The following GALC variants were observed in gnomAD, a reference collection of about 807,000 sequenced individuals.
GALC encodes the protein galactosylceramidase, also known as galactocerebrosidase.
A neutral mutation model predicts 91.8 loss-of-function variants in GALC; 77 were observed. That is an observed-to-expected ratio of 0.84 (90% confidence interval 0.70 to 1.01). GALC has a LOEUF of 1.01. Among genes scored for constraint, GALC ranks in the 50% least tolerant of loss-of-function variants. GALC has a pLI of 0.00. For synonymous variants in GALC, 357 were observed against 306.7 expected (o/e 1.16, Z -1.71); for missense variants, 882 against 855.9 (o/e 1.03, Z -0.38).
At chr14:87,970,042 A>G (rs1292330285) in intron 7 of GALC, among the ~76,000 whole-genome samples, 5 of 152,204 alleles carry the variant, frequency 3.3e-5, no homozygotes, top group Admixed American at 6.5e-5. Context: ...TTCTGGAACT[A>G]TAACGCCCAA....
chr14:87,965,480 A>G, intron 9 of GALC, 25 bp downstream of exon 9: 1 of 1,611,784 alleles, frequency 6.2e-7, no homozygotes, highest in Non-Finnish European at 8.5e-7. Context: ...GAATTTAGGG[A>G]GTGAGAGATG....
chr14:87,990,784 G>A (rs900943326), intron 1 of GALC, among the ~76,000 whole-genome samples: 2 of 152,084 alleles, frequency 1.3e-5, no homozygotes, highest in Non-Finnish European at 2.9e-5. Context: ...TAAGTCAAAG[G>A]CAATATAACC....
intron 10 of GALC, chr14:87,953,017 T>G (rs756230039): frequency 1.0e-5 from 12 of 1,156,020 alleles, no homozygotes; most frequent in Non-Finnish European, 1.6e-5. Context: ...GCAGCTATGT[T>G]GGATTTGGTT....
At chr14:87,955,737 A>G (rs1885507805) in intron 10 of GALC, among the ~76,000 whole-genome samples, 1 of 152,114 alleles carries the variant, frequency 6.6e-6, no homozygotes, top group Non-Finnish European at 1.5e-5. Context: ...TCAATTTATT[A>G]AAGCGGGGAA....
Position 87,934,009 on chromosome 14 carries a change from C to T in GALC, c.*723G>A, listed in dbSNP as rs412915. 0.47 allele frequency: 716,382 copies of T among 1,532,502 alleles called. 171,297 individuals are homozygous for T. Among genetic ancestry groups the T allele is most frequent in the African/African-American group, 0.61 (44,267 of 72,934 alleles). 94.9% of individuals were successfully genotyped at this position (1,532,502 alleles called of 1,614,324 possible). On this transcript the variant is annotated 3_prime_UTR_variant, in exon 17 of 17. Coordinates refer to ENST00000261304, the MANE Select transcript of GALC (RefSeq NM_000153.4). ...TCCTTCTTCCAGCCACCTGGAAAAA[C>T]GTTCACAGAGAGTTATAGTGGTTAC... is the stretch of plus-strand genomic sequence containing the variant.
intron 16 of GALC, among the ~76,000 whole-genome samples, chr14:87,935,914 A>G (rs895103209): frequency 1.3e-5 from 2 of 152,076 alleles, no homozygotes; most frequent in African/African-American, 2.4e-5. Context: ...CCACATTCCT[A>G]TTACTACAGA....
chr14:87,954,132 G>A, intron 10 of GALC: 1 of 1,608,248 alleles, frequency 6.2e-7, no homozygotes, highest in Non-Finnish European at 8.5e-7. Flanking sequence ...TTCCAGTGTA[G>A]TTAGTGATGT....
chr14:87,993,254 G>A, upstream of GALC: 1 of 1,540,780 alleles, frequency 6.5e-7, no homozygotes, highest in Non-Finnish European at 8.7e-7. Flanking sequence ...TGCTGACGCC[G>A]CCGCCGCCAT....
In GALC at chr14:87,950,509, G is replaced by A. The variant is rs417521; in HGVS notation, c.1251+150C>T. The A allele has an allele frequency of 0.99, 569,978 of 578,386 alleles. 281,329 individuals are homozygous for A. The highest frequency in any genetic ancestry group is 1 in the East Asian group (33,842 of 33,842). 35.8% of individuals were successfully genotyped at this position (578,386 alleles called of 1,614,324 possible). The stretch of plus-strand genomic sequence containing the variant: ...CTGTCCTGCTAGATTAAAGCAAGTC[G>A]GAAGACAGAAGACACCAGGGCCTCT... On this transcript the variant is annotated intron_variant, in intron 11 of 16. Coordinates refer to ENST00000261304, the MANE Select transcript of GALC (RefSeq NM_000153.4).
chr14:87,962,610 C>T lies in GALC; in HGVS notation c.1161+774G>A, dbSNP rs903710092. On this transcript the variant is annotated intron_variant, in intron 10 of 16. Coordinates refer to ENST00000261304, the MANE Select transcript of GALC (RefSeq NM_000153.4). ...ACACACACACACACACACACACACA[C>T]ACACACACACACACCATTTTTTTAA... Among the ~76,000 whole-genome samples, 12 of 102,846 alleles carry T rather than the reference C, an allele frequency of 1.2e-4. No homozygotes were observed. In the South Asian group the frequency reaches 2.0e-3, roughly 17 times the overall value. 67.5% of individuals were successfully genotyped at this position (102,846 alleles called of 152,430 possible).
intron 10 of GALC, chr14:87,954,640 A>G: frequency 6.3e-7 from 1 of 1,580,596 alleles, no homozygotes; most frequent in South Asian, 1.1e-5. Flanking sequence ...CAACCCACCT[A>G]GAGGATAAAT....
At chr14:87,938,054 A>G (rs1884664744) in intron 16 of GALC, among the ~76,000 whole-genome samples, 1 of 152,010 alleles carries the variant, frequency 6.6e-6, no homozygotes, top group South Asian at 2.1e-4. Context: ...GTGGAATAGC[A>G]AAGATAATTT....
intron 13 of GALC, among the ~76,000 whole-genome samples, chr14:87,946,059 C>T (rs570914210): frequency 6.6e-6 from 1 of 151,988 alleles, no homozygotes; most frequent in African/African-American, 2.4e-5. Context: ...TATTTAACTG[C>T]CCTGCATCTA....
At chr14:87,940,243 T>C (rs1884777623) in intron 15 of GALC, among the ~76,000 whole-genome samples, 1 of 151,884 alleles carries the variant, frequency 6.6e-6, no homozygotes, top group Middle Eastern at 3.2e-3. Context: ...TGAAATAAAC[T>C]TAAAAACCAG....
intron 1 of GALC, chr14:87,992,426 A>G (rs778641351): frequency 3.0e-5 from 46 of 1,534,316 alleles, no homozygotes; most frequent in Admixed American, 7.9e-5. Flanking sequence ...ACGAAATCCT[A>G]TTCGGCGCTA....
upstream of GALC, chr14:87,993,565 T>C (rs1887338479): frequency 8.3e-7 from 1 of 1,205,986 alleles, no homozygotes; most frequent in Non-Finnish European, 1.2e-6. Flanking sequence ...CATTGTCATC[T>C]TGGTGGAATC....
chr14:87,955,011 CTCAGAGA>C (rs1885464642), intron 10 of GALC: 1 of 1,374,632 alleles, frequency 7.3e-7, no homozygotes, highest in Non-Finnish European at 1.0e-6. Context: ...TAGTTACTTC[CTCAGAGA>C]TCACCTATGG....
At position 87,963,473 on chromosome 14, in the gene GALC, G is replaced by C. The variant is rs74073730; in HGVS notation, c.1072C>G (p.Leu358Val). 1.2e-6 allele frequency: 2 copies of C among 1,612,990 alleles called. No individual in the cohort carries two copies. The highest frequency in any genetic ancestry group is 3.3e-5 in the Admixed American group (2 of 59,970). ...TTCTCTAAATGGCCAACTGTCTTCA[G>C]GTAATACCAGCCAGGTTGAGTAAAC... ...TQFTQPGWYY[L>V]KTVGHLEKGG... The change falls in exon 10 of 17, where the codon CTG becomes GTG. Residue 358 changes from leucine (L) to valine (V), a missense_variant. Physicochemically the swap from Leu to Val is conservative, Grantham distance 32. Transcript: ENST00000261304.
At chr14:87,973,029 C>CAA (rs34172498) in intron 7 of GALC, among the ~76,000 whole-genome samples, 110,739 of 151,802 alleles carry the variant, frequency 0.73, 40,762 homozygotes, top group East Asian at 0.98. Context: ...GGAATTGTGT[C>CAA]GTTACTTATA....
Sources: allele counts gnomAD v4.1 joint callset (sites outside exome capture counted in the v4.1 genomes callset), GRCh38; gene constraint gnomAD v4.1.1; transcripts MANE v1.5; gene names NCBI Gene and HGNC (gene_info 2026-07-23, HGNC 2026-07-21).